MDH1: variants seen among roughly 807,000 people sequenced by gnomAD.
MDH1 encodes the protein malate dehydrogenase, cytoplasmic.
MDH1 carries 15 observed loss-of-function variants against 38.7 expected under a neutral mutation model. That is an observed-to-expected ratio of 0.39 (90% CI 0.26 to 0.60). The LOEUF (loss-of-function observed/expected upper bound fraction) is 0.60, where lower values mean the gene tolerates loss of function less well. Ranked by LOEUF, MDH1 falls within the 20% of genes least tolerant of loss-of-function variation. MDH1 has a pLI of 0.56. For missense variants in MDH1, 368 were observed against 405.2 expected (o/e 0.91, Z 0.79); for synonymous variants, 144 against 143.6 (o/e 1.00, Z -0.02).
intron 3 of MDH1, among the ~76,000 whole-genome samples, chr2:63,595,964 T>C (rs1185126542): frequency 2.6e-5 from 4 of 152,292 alleles, no homozygotes; most frequent in East Asian, 1.9e-4. Flanking sequence ...TGGAAGTTGG[T>C]TGGTTCCTCT....
At chr2:63,602,689 G>A (rs1709446095) in intron 5 of MDH1, among the ~76,000 whole-genome samples, 1 of 151,888 alleles carries the variant, frequency 6.6e-6, no homozygotes, top group African/African-American at 2.4e-5. Context: ...CTCCCTTATG[G>A]TCACACCACC....
chr2:63,589,274 T>C, intron 1 of MDH1: 8 of 1,551,104 alleles, frequency 5.2e-6, no homozygotes, highest in African/African-American at 1.4e-5. Flanking sequence ...TCTGGAGAAG[T>C]AGTTGTCCTG....
chr2:63,600,484 T>C (rs1709397737), intron 5 of MDH1, among the ~76,000 whole-genome samples: 1 of 152,050 alleles, frequency 6.6e-6, no homozygotes, highest in Admixed American at 6.5e-5. Flanking sequence ...AGCTCTGTGA[T>C]TTTGAGAAAG....
chr2:63,589,609 G>A (rs1467522178), intron 1 of MDH1, among the ~76,000 whole-genome samples: 1 of 152,104 alleles, frequency 6.6e-6, no homozygotes, highest in Non-Finnish European at 1.5e-5. Context: ...TTTTTGTAAT[G>A]CCAGGATATA....
rs1184973053 is a variant in MDH1, at chr2:63,595,602, A to C, written c.199+83A>C. On this transcript the variant is annotated intron_variant, in intron 3 of 8. Transcript: ENST00000233114. ...TTTTAGGTTTTTGTTAAAGGCTCTC[A>C]ATTAGAAATTATTTCATAAGAGGAT... 6 of 795,390 alleles carry C rather than the reference A, an allele frequency of 7.5e-6. No homozygotes were observed. In the Admixed American group the frequency reaches 1.5e-4, roughly 20 times the overall value. The allele number at this position is 795,390 out of a possible 1,614,324, so 49.3% of individuals were successfully genotyped here.
chr2:63,594,353 G>A lies in MDH1; in HGVS notation c.4-135G>A. 3.9e-6 allele frequency: 3 copies of A among 771,414 alleles called. No homozygotes were observed. The South Asian group carries it at 4.1e-5, about 10-fold the overall frequency. 47.8% of individuals were successfully genotyped at this position (771,414 alleles called of 1,614,324 possible). ...ATATGCAGCACATTCATTTTCTACTGAGCCAGATGCAAAAGGACTTTAAAA... is the reference window on the plus strand; with the variant it reads ...ATATGCAGCACATTCATTTTCTACTAAGCCAGATGCAAAAGGACTTTAAAA... On this transcript the variant is annotated intron_variant, in intron 1 of 8. Transcript: ENST00000233114.
chr2:63,603,923 C>G (rs540716989), intron 5 of MDH1, among the ~76,000 whole-genome samples: 11 of 152,242 alleles, frequency 7.2e-5, no homozygotes, highest in Non-Finnish European at 1.5e-4. Context: ...TCCCAAAGTG[C>G]TGGGATTACA....
At chr2:63,602,600 C>A (rs180747666) in intron 5 of MDH1, among the ~76,000 whole-genome samples, 1 of 152,024 alleles carries the variant, frequency 6.6e-6, no homozygotes, top group South Asian at 2.1e-4. Flanking sequence ...CATTTAATTA[C>A]AAGTGTAGAT....
intron 1 of MDH1, among the ~76,000 whole-genome samples, chr2:63,591,581 T>A (rs917469367): frequency 1.3e-5 from 2 of 152,240 alleles, no homozygotes; most frequent in African/African-American, 2.4e-5. Context: ...TAGATAGTGA[T>A]CTTCACTCTC....
At position 63,606,865 on chromosome 2, in the gene MDH1, A is replaced by G; in HGVS notation, c.883A>G (p.Lys295Glu). The change falls in exon 9 of 9, where the codon AAG (lysine) becomes GAG (glutamate). Residue 295 changes from lysine (K) to glutamate (E), a missense_variant. By Grantham distance (56) the Lys-to-Glu change is moderately conservative (BLOSUM62 1). Coordinates refer to ENST00000233114, the MANE Select transcript of MDH1 (RefSeq NM_005917.4). ...LYSFPVVIKN[K>E]TWKFVEGLPI... is the part of the protein sequence containing the mutation. Reference sequence around the variant, plus strand: ...TATTTGCATTATTTTCAAACAGAATAAGACCTGGAAGTTTGTTGAAGGTCT... The same window carrying G: ...TATTTGCATTATTTTCAAACAGAATGAGACCTGGAAGTTTGTTGAAGGTCT... 1 of 1,609,414 alleles carries G rather than the reference A, an allele frequency of 6.2e-7. No homozygotes were observed. Among genetic ancestry groups the G allele is most frequent in the Non-Finnish European group, 8.5e-7 (1 of 1,177,556 alleles).
intron 5 of MDH1, among the ~76,000 whole-genome samples, chr2:63,600,669 C>A (rs150128372): frequency 6.6e-6 from 1 of 152,240 alleles, no homozygotes; most frequent in East Asian, 1.9e-4. Flanking sequence ...CCTAAACATT[C>A]CTAATTTAGA....
rs1709290092 is a variant in MDH1 at position 63,595,426 on chromosome 2, A to G, written c.106A>G (p.Ile36Val). The G allele has an allele frequency of 2.5e-6, 4 of 1,600,670 alleles. No homozygotes were observed. Among genetic ancestry groups the G allele is most frequent in the South Asian group, 2.2e-5 (2 of 90,798 alleles). ...NGSVFGKDQP[I>V]ILVLLDITPM... ...TGCTGTCCTTGCTATTTGGTAGCCT[A>G]TAATTCTTGTGCTGTTGGATATCAC... Residue 36 changes from isoleucine to valine, a missense_variant, in exon 3 of 9, where the codon ATA (isoleucine) becomes GTA (valine). Transcript: ENST00000233114.
At chr2:63,589,236 G>T in intron 1 of MDH1, 190 bp downstream of exon 1, 1 of 1,557,006 alleles carries the variant, frequency 6.4e-7, no homozygotes, top group Non-Finnish European at 8.7e-7. Flanking sequence ...TTTCCACCTT[G>T]CGGGGTATGG....
chr2:63,606,216 TGCAAA>T (rs1378263636), intron 8 of MDH1, among the ~76,000 whole-genome samples, 188 bp downstream of exon 8: 1 of 152,096 alleles, frequency 6.6e-6, no homozygotes, highest in East Asian at 1.9e-4. Context: ...ACCCCCTCTC[TGCAAA>T]AATAAAATAA....
intron 6 of MDH1, 85 bp from the exon 7 acceptor site, chr2:63,605,195 T>C: frequency 1.1e-6 from 1 of 889,242 alleles, no homozygotes; most frequent in Non-Finnish European, 1.8e-6. Context: ...GTCATAGCTT[T>C]TCACCCCAAG....
At chr2:63,590,880 T>C (rs1278531798) in intron 1 of MDH1, 2 of 152,218 alleles carry the variant, frequency 1.3e-5, no homozygotes, top group African/African-American at 4.8e-5. Context: ...AAGAGCCTTC[T>C]TCTGTAAGCT....
chr2:63,605,943 A>T lies in MDH1; in HGVS notation c.794A>T (p.Glu265Val). The change falls in exon 8 of 9, where the codon GAG (glutamate) becomes GTG (valine). Residue 265 changes from glutamate (E) to valine (V), a missense_variant. Transcript: ENST00000233114. ...RDIWFGTPEG[E>V]FVSMGVISDG... Reference sequence around the variant, plus strand: ...GTGAAACATTGTTATTTTCAGGGAGAGTTTGTGTCCATGGGTGTTATCTCT... The same window carrying T: ...GTGAAACATTGTTATTTTCAGGGAGTGTTTGTGTCCATGGGTGTTATCTCT... The T allele has an allele frequency of 6.2e-7, 1 of 1,613,068 alleles. No homozygotes were observed. Among genetic ancestry groups the T allele is most frequent in the South Asian group, 1.1e-5 (1 of 91,062 alleles).
intron 5 of MDH1, 127 bp from the exon 6 acceptor site, chr2:63,604,569 T>C: frequency 1.3e-6 from 1 of 740,778 alleles, no homozygotes; most frequent in East Asian, 2.7e-5. Flanking sequence ...CAAGTCAATA[T>C]AACTCTTGTG....
At chr2:63,604,960 C>A in intron 6 of MDH1, 88 bp downstream of exon 6, 1 of 1,326,740 alleles carries the variant, frequency 7.5e-7, no homozygotes, top group Non-Finnish European at 1.0e-6. Context: ...GAGGGCAGGT[C>A]TTTCACAGTT....
Sources: allele counts gnomAD v4.1 joint callset (sites outside exome capture counted in the v4.1 genomes callset), GRCh38; gene constraint gnomAD v4.1.1; transcripts MANE v1.5; gene names NCBI Gene and HGNC (gene_info 2026-07-23, HGNC 2026-07-21).